Variants in MAPKBP1 observed in about 807,000 individuals in gnomAD.
The protein encoded by MAPKBP1 is mitogen-activated protein kinase-binding protein 1.
Under a neutral mutation model 170.5 loss-of-function variants are expected in MAPKBP1, and 71 were observed. The observed-to-expected ratio is 0.42, with a 90% CI of 0.34 to 0.51. The LOEUF (loss-of-function observed/expected upper bound fraction) is 0.51. MAPKBP1 is among the 20% of genes least tolerant of loss of function. The probability of loss-of-function intolerance (pLI) is 0.06; values close to 1 mark genes in which losing one functional copy is unlikely to be tolerated. For missense variants in MAPKBP1, 1,598 were observed against 1,933.0 expected, an observed-to-expected ratio of 0.83 and a Z score of 3.25; for synonymous variants, 719 against 757.9, an observed-to-expected ratio of 0.95 and a Z score of 0.84.
chr15:41,822,149 G>T, intron 25 of MAPKBP1, 39 bp downstream of exon 25: 1 of 1,591,178 alleles, frequency 6.3e-7, no homozygotes, highest in South Asian at 1.1e-5. Context: ...ATGGGGGGTG[G>T]GGCCTGGAGG....
Position 41,774,512 on chromosome 15 carries a change from T to A in MAPKBP1, c.-208T>A. 2.5e-6 allele frequency: 1 copy of A among 398,512 alleles called. No individual in the cohort carries two copies. The highest frequency in any genetic ancestry group is 3.6e-5 in the East Asian group (1 of 28,068). The allele number at this position is 398,512 out of a possible 1,614,324, so 24.7% of individuals were successfully genotyped here. Reference sequence around the variant, plus strand: ...CCGATCGTGCCACCATAGCTCCTGCTGCTGCCTCTACCGCTGCGGCTACCG... The same window carrying A: ...CCGATCGTGCCACCATAGCTCCTGCAGCTGCCTCTACCGCTGCGGCTACCG... On this transcript the variant is annotated 5_prime_UTR_variant, in exon 1 of 31. Transcript: ENST00000457542.
chr15:41,825,786 G>C lies in MAPKBP1; in HGVS notation c.*350G>C. 4.5e-6 allele frequency: 1 copy of C among 219,780 alleles called. No individual in the cohort carries two copies. The highest frequency in any genetic ancestry group is 1.1e-4 in the East Asian group (1 of 9,004). 13.6% of individuals were successfully genotyped at this position (219,780 alleles called of 1,614,324 possible). On this transcript the variant is annotated 3_prime_UTR_variant, in exon 31 of 31. Transcript: ENST00000457542. ...TTAGAAGCCATTTGAAATTACTGCA[G>C]GGATTAGCTCCCTGTGGTGGAGCAT...
In MAPKBP1 at chr15:41,819,308, GAGA is replaced by G; in HGVS notation, c.2358_2360del (p.Glu786del). ...CTCTCATCAGACAGTGACAAGGAGG[GAGA>G]AGATGAGGGGACTGAAGAAGAACTT... On this transcript the variant is annotated inframe_deletion, in exon 21 of 31. Transcript: ENST00000457542. The G allele has an allele frequency of 1.9e-6, 3 of 1,614,212 alleles. No homozygotes were observed. The South Asian group carries it at 3.3e-5, about 18-fold the overall frequency.
In MAPKBP1 at chr15:41,824,010, C is replaced by G; in HGVS notation, c.4162C>G (p.Pro1388Ala). 8.1e-6 allele frequency: 13 copies of G among 1,612,194 alleles called. No individual in the cohort carries two copies. The highest frequency in any genetic ancestry group is 1.0e-5 in the Non-Finnish European group (12 of 1,179,966). The change falls in exon 29 of 31, where the codon CCC (proline) becomes GCC (alanine). Residue 1388 changes from proline (P) to alanine (A), a missense_variant. Transcript: ENST00000457542. ...NLQPPPPEKT[P>A]NPMECTKPGA... Reference sequence around the variant, plus strand: ...GCAGCCCCCACCCCCTGAGAAGACTCCCAACCCCATGGAATGCACCAAGCC... The same window carrying G: ...GCAGCCCCCACCCCCTGAGAAGACTGCCAACCCCATGGAATGCACCAAGCC...
intron 2 of MAPKBP1, among the ~76,000 whole-genome samples, chr15:41,789,280 C>T (rs1211998704): frequency 2.0e-5 from 2 of 101,222 alleles, no homozygotes; most frequent in African/African-American, 6.6e-5. Context: ...GTAGAGAGGA[C>T]TGACTTTAGA....
chr15:41,810,267 T>C (rs961642274), intron 3 of MAPKBP1, among the ~76,000 whole-genome samples: 1 of 152,178 alleles, frequency 6.6e-6, no homozygotes, highest in African/African-American at 2.4e-5. Flanking sequence ...GGATGGCCTG[T>C]GTCCCTGCTG....
chr15:41,816,089 G>C (rs2064885903), intron 12 of MAPKBP1, among the ~76,000 whole-genome samples: 1 of 152,162 alleles, frequency 6.6e-6, no homozygotes, highest in Non-Finnish European at 1.5e-5. Flanking sequence ...ATATAGGCGT[G>C]AGAAAACATC....
intron 3 of MAPKBP1, 41 bp downstream of exon 3, chr15:41,799,955 T>C: frequency 6.5e-7 from 1 of 1,548,402 alleles, no homozygotes; most frequent in Non-Finnish European, 8.9e-7. Context: ...GCATGGGAAT[T>C]TATAGCCACG....
At position 41,827,618 on chromosome 15, in the gene MAPKBP1, C is replaced by T. The variant is rs937710361; in HGVS notation, c.*2182C>T. On this transcript the variant is annotated 3_prime_UTR_variant, in exon 31 of 31. Transcript: ENST00000457542. Reference sequence around the variant, plus strand: ...CCTCTGCCCCATGTGGGTGGGGGGCCTCGTGGCCCGGCCGGCGCCCCGTCC... The same window carrying T: ...CCTCTGCCCCATGTGGGTGGGGGGCTTCGTGGCCCGGCCGGCGCCCCGTCC... The T allele has an allele frequency of 1.0e-4, 16 of 152,774 alleles. No individual in the cohort carries two copies. The highest frequency in any genetic ancestry group is 3.4e-4 in the African/African-American group (14 of 41,504). The allele number at this position is 152,774 out of a possible 1,614,324, so 9.5% of individuals were successfully genotyped here.
At chr15:41,801,691 CAT>C (rs1396301918) in intron 3 of MAPKBP1, among the ~76,000 whole-genome samples, 2 of 151,998 alleles carry the variant, frequency 1.3e-5, no homozygotes, top group East Asian at 3.9e-4. Flanking sequence ...CTACTAAAAA[CAT>C]AAAAAAATTT....
At position 41,818,148 on chromosome 15, in the gene MAPKBP1, C is replaced by G. The variant is rs1439906002; in HGVS notation, c.1981-46C>G. 1 of 1,607,466 alleles carries G rather than the reference C, an allele frequency of 6.2e-7. No individual in the cohort carries two copies. The highest frequency in any genetic ancestry group is 2.2e-5 in the East Asian group (1 of 44,842). ...ACAGAGTGGTGCTGGGTGGGAGGGACTGGTACTTCCCATGTCCTCCAGCTG... is the reference window on the plus strand; with the variant it reads ...ACAGAGTGGTGCTGGGTGGGAGGGAGTGGTACTTCCCATGTCCTCCAGCTG... On this transcript the variant is annotated intron_variant, in intron 17 of 30. Transcript: ENST00000457542. The surrounding 1 kb of genome is among the most constrained non-coding windows in gnomAD (Gnocchi z 5.2).
At position 41,823,493 on chromosome 15, in the gene MAPKBP1, G is replaced by A. The variant is rs1368331163; in HGVS notation, c.3645G>A (p.Leu1215=). The A allele has an allele frequency of 1.2e-6, 2 of 1,614,090 alleles. No homozygotes were observed. The highest frequency in any genetic ancestry group is 1.7e-5 in the Admixed American group (1 of 60,014). The change falls in exon 29 of 31, where the codon CTG becomes CTA. Residue 1215 remains leucine, a synonymous_variant. Transcript: ENST00000457542. ...SLQAPSPGAL[L]SREIEAQDGL... ...AGGCCCCTTCACCAGGCGCACTGCT[G>A]TCTCGGGAGATCGAAGCTCAGGATG...
rs1400181903 is a variant in MAPKBP1 at position 41,812,900 on chromosome 15, C to T, written c.637-19C>T. On this transcript the variant is annotated intron_variant, in intron 7 of 30. Coordinates refer to ENST00000457542, the MANE Select transcript of MAPKBP1 (RefSeq NM_014994.3). ...GGCTCTGGGGTGGATGGGGGTGTAA[C>T]AGTGGTGTGCCTCCACAGGTGAATG... 1.1e-5 allele frequency: 17 copies of T among 1,582,060 alleles called. No individual in the cohort carries two copies. Among genetic ancestry groups the T allele is most frequent in the Non-Finnish European group, 1.5e-5 (17 of 1,164,502 alleles).
intron 3 of MAPKBP1, among the ~76,000 whole-genome samples, chr15:41,808,952 G>A (rs950230199): frequency 6.6e-6 from 1 of 152,014 alleles, no homozygotes; most frequent in African/African-American, 2.4e-5. Context: ...TGTAATCCCA[G>A]CTACTTGGGA....
chr15:41,783,452 C>T (rs1245262380), intron 2 of MAPKBP1, among the ~76,000 whole-genome samples: 1 of 152,112 alleles, frequency 6.6e-6, no homozygotes, highest in Non-Finnish European at 1.5e-5. Context: ...CACTTGCCTG[C>T]CTGACTCCAT....
chr15:41,808,857 G>A (rs926983779), intron 3 of MAPKBP1, among the ~76,000 whole-genome samples: 11 of 152,102 alleles, frequency 7.2e-5, no homozygotes, highest in Admixed American at 6.5e-4. Context: ...AAAAGAGAAA[G>A]GAGTTCAAGA....
intron 26 of MAPKBP1, 85 bp from the exon 27 acceptor site, chr15:41,822,508 G>T (rs1446621107): frequency 1.9e-6 from 3 of 1,604,634 alleles, no homozygotes; most frequent in Non-Finnish European, 1.7e-6. Context: ...CAGGGTATAG[G>T]CTGTGGCTGG....
intron 3 of MAPKBP1, among the ~76,000 whole-genome samples, chr15:41,809,068 T>G: frequency 2.6e-5 from 2 of 75,946 alleles, no homozygotes; most frequent in Non-Finnish European, 2.5e-5. Flanking sequence ...AGCGAGACCC[T>G]GCCTCAAAAA....
intron 5 of MAPKBP1, 27 bp from the exon 6 acceptor site, chr15:41,811,930 T>A: frequency 6.2e-7 from 1 of 1,612,894 alleles, no homozygotes; most frequent in Non-Finnish European, 8.5e-7. Context: ...AGTCAAGAAC[T>A]CACTTCCAGT....
Sources: allele counts gnomAD v4.1 joint callset (sites outside exome capture counted in the v4.1 genomes callset), GRCh38; gene constraint gnomAD v4.1.1; non-coding constraint Gnocchi (gnomAD v3.1); transcripts MANE v1.5; gene names NCBI Gene and HGNC (gene_info 2026-07-23, HGNC 2026-07-21).